The following ME3 variants were observed in gnomAD, a reference collection of about 807,000 sequenced individuals.
ME3 encodes malic enzyme 3, also known as NADP-dependent malic enzyme, mitochondrial.
ME3 carries 48 observed loss-of-function variants against 68.9 expected under a neutral mutation model. That is an observed-to-expected ratio of 0.70 (90% CI 0.55 to 0.89). The LOEUF (loss-of-function observed/expected upper bound fraction) is 0.89, where lower values mean the gene tolerates loss of function less well. Ranked by LOEUF, ME3 falls within the 40% of genes least tolerant of loss-of-function variation. The probability of loss-of-function intolerance (pLI) is 0.00; values close to 1 mark genes in which losing one functional copy is unlikely to be tolerated. For missense variants in ME3, 675 were observed against 797.4 expected (o/e 0.85, Z 1.85); for synonymous variants, 320 against 318.8 (o/e 1.00, Z -0.04).
intron 4 of ME3, among the ~76,000 whole-genome samples, chr11:86,509,299 G>A (rs1205783270): frequency 1.3e-5 from 2 of 152,200 alleles, no homozygotes; most frequent in African/African-American, 2.4e-5. Flanking sequence ...TGGACATGGG[G>A]GTTGGGATGT....
At chr11:86,463,711 A>C (rs1463796950) in intron 8 of ME3, among the ~76,000 whole-genome samples, 1 of 152,258 alleles carries the variant, frequency 6.6e-6, no homozygotes, top group Non-Finnish European at 1.5e-5. Context: ...TTGCCTCTTG[A>C]AAATGTATGA....
chr11:86,539,966 T>G (rs947001741), intron 4 of ME3, among the ~76,000 whole-genome samples: 2 of 152,246 alleles, frequency 1.3e-5, no homozygotes, highest in Non-Finnish European at 2.9e-5. Flanking sequence ...GAGCCTTGTT[T>G]CCATCTCCAG....
chr11:86,487,307 C>T, intron 7 of ME3, 30 bp downstream of exon 7: 2 of 1,589,904 alleles, frequency 1.3e-6, no homozygotes, highest in Non-Finnish European at 1.7e-6. Flanking sequence ...TAAAAGTCCT[C>T]TTTCAAAAGG....
intron 7 of ME3, among the ~76,000 whole-genome samples, chr11:86,471,284 C>T (rs900340071): frequency 9.2e-5 from 14 of 151,592 alleles, no homozygotes; most frequent in African/African-American, 3.4e-4. Flanking sequence ...TACAGGCATG[C>T]ACCACCAAGC....
intron 4 of ME3, among the ~76,000 whole-genome samples, chr11:86,546,758 C>T (rs143599341): frequency 0.039 from 5,956 of 152,198 alleles, 298 homozygotes; most frequent in East Asian, 0.21. Flanking sequence ...GACAGTGTGG[C>T]GATTCCTCGA....
chr11:86,493,451 C>G (rs670602), intron 6 of ME3, among the ~76,000 whole-genome samples: 128,193 of 152,242 alleles, frequency 0.84, 54,212 homozygotes, highest in Non-Finnish European at 0.87. Context: ...GGTGGGATAA[C>G]CACTGGGTTT....
At chr11:86,552,358 T>C (rs1317167880) in intron 4 of ME3, among the ~76,000 whole-genome samples, 1 of 152,210 alleles carries the variant, frequency 6.6e-6, no homozygotes, top group East Asian at 1.9e-4. Context: ...AAAACTTTAG[T>C]TGGGCTCCTG....
chr11:86,598,748 C>A (rs188269103), intron 2 of ME3, among the ~76,000 whole-genome samples: 1 of 152,310 alleles, frequency 6.6e-6, no homozygotes, highest in South Asian at 2.1e-4. Flanking sequence ...TCCTCTGAGA[C>A]AAAACTTCCA....
At chr11:86,650,811 G>A (rs1945357611) in intron 2 of ME3, among the ~76,000 whole-genome samples, 1 of 152,188 alleles carries the variant, frequency 6.6e-6, no homozygotes, top group Non-Finnish European at 1.5e-5. Flanking sequence ...CCTCACCCAG[G>A]AAGTGCAAGG....
intron 4 of ME3, among the ~76,000 whole-genome samples, chr11:86,521,272 G>A (rs1954257885): frequency 6.6e-6 from 1 of 152,058 alleles, no homozygotes; most frequent in Non-Finnish European, 1.5e-5. Context: ...GCGGGCGCCT[G>A]TAGTCCCAGC....
intron 2 of ME3, among the ~76,000 whole-genome samples, chr11:86,652,935 G>A (rs528086629): frequency 2.6e-5 from 4 of 151,730 alleles, no homozygotes; most frequent in South Asian, 2.1e-4. Context: ...AAAAGGCAGG[G>A]GTTGCAGTCC....
intron 2 of ME3, among the ~76,000 whole-genome samples, chr11:86,617,727 C>T (rs751177808): frequency 6.6e-6 from 1 of 152,106 alleles, no homozygotes; most frequent in Non-Finnish European, 1.5e-5. Flanking sequence ...ATAATTTAAC[C>T]ACAAGCTATG....
chr11:86,552,037 T>C (rs1225856000), intron 4 of ME3, among the ~76,000 whole-genome samples: 1 of 152,174 alleles, frequency 6.6e-6, no homozygotes, highest in Non-Finnish European at 1.5e-5. Flanking sequence ...CTCAGCAGGT[T>C]TACAGTGTGT....
At chr11:86,560,742 G>GTATATATATATATA (rs1201892920) in intron 2 of ME3, among the ~76,000 whole-genome samples, 282 of 58,108 alleles carry the variant, frequency 4.9e-3, no homozygotes, top group Middle Eastern at 8.8e-3. Flanking sequence ...GTGTGTGTGT[G>GTATATATATATATA]TGTGTGTATA....
At chr11:86,508,839 C>A in exon 5 of ME3, 1 of 1,613,660 alleles carries the variant, frequency 6.2e-7, no homozygotes, top group Non-Finnish European at 8.5e-7. Flanking sequence ...GCAAGATGAC[C>A]TTTGTCATGA....
intron 2 of ME3, among the ~76,000 whole-genome samples, chr11:86,591,606 A>G (rs1959064325): frequency 6.6e-6 from 1 of 152,184 alleles, no homozygotes; most frequent in African/African-American, 2.4e-5. Flanking sequence ...CATGCTGCTA[A>G]TAAAGATATA....
intron 2 of ME3, among the ~76,000 whole-genome samples, chr11:86,657,674 T>C (rs1333209810): frequency 1.3e-5 from 2 of 152,226 alleles, no homozygotes; most frequent in Admixed American, 1.3e-4. Context: ...TGCTATGGTA[T>C]TAACTTGTGA....
intron 2 of ME3, among the ~76,000 whole-genome samples, chr11:86,647,799 A>G (rs1429943433): frequency 1.3e-5 from 2 of 152,150 alleles, no homozygotes. Context: ...CTCCCACACA[A>G]TAATAGTGGG....
intron 2 of ME3, among the ~76,000 whole-genome samples, chr11:86,586,555 G>A (rs1958745499): frequency 6.6e-6 from 1 of 152,142 alleles, no homozygotes; most frequent in Non-Finnish European, 1.5e-5. Context: ...CAGGGTTATG[G>A]CAAGACTGGG....
Sources: allele counts gnomAD v4.1 joint callset (sites outside exome capture counted in the v4.1 genomes callset), GRCh38; gene constraint gnomAD v4.1.1; transcripts MANE v1.5; gene names NCBI Gene and HGNC (gene_info 2026-07-23, HGNC 2026-07-21).